The following PDZD2 variants were observed in gnomAD, a reference collection of about 807,000 sequenced individuals.
PDZD2 encodes the protein PDZ domain-containing protein 2.
Under a neutral mutation model 220.7 loss-of-function variants are expected in PDZD2, and 90 were observed. The observed-to-expected ratio is 0.41, with a 90% CI of 0.34 to 0.49. PDZD2 has a LOEUF of 0.49. Among genes scored for constraint, PDZD2 ranks in the 20% least tolerant of loss-of-function variants. PDZD2 has a pLI of 0.28. For synonymous variants in PDZD2, 1,375 were observed against 1,450.5 expected, an observed-to-expected ratio of 0.95 and a Z score of 1.18; for missense variants, 3,174 against 3,608.5, an observed-to-expected ratio of 0.88 and a Z score of 3.08.
chr5:31,881,233 A>G (rs2078736523), intron 2 of PDZD2, among the ~76,000 whole-genome samples: 2 of 151,466 alleles, frequency 1.3e-5, no homozygotes, highest in Admixed American at 6.6e-5. Flanking sequence ...AGTTGCCATT[A>G]TGATTGGATT....
chr5:31,894,461 G>A (rs553769586), intron 2 of PDZD2, among the ~76,000 whole-genome samples: 2 of 151,996 alleles, frequency 1.3e-5, no homozygotes, highest in African/African-American at 4.8e-5. Context: ...CGTTCTTGAT[G>A]TTTTTTTCCC....
At chr5:31,924,337 GT>G in intron 2 of PDZD2, among the ~76,000 whole-genome samples, 1 of 152,226 alleles carries the variant, frequency 6.6e-6, no homozygotes, top group African/African-American at 2.4e-5. Context: ...GAATGTAATT[GT>G]CTCCAGGTAC....
intron 2 of PDZD2, among the ~76,000 whole-genome samples, chr5:31,833,478 GAAAAAAAA>G (rs869118030): frequency 4.9e-4 from 1 of 2,060 alleles, no homozygotes; most frequent in Admixed American, 3.5e-3. Flanking sequence ...AAAAAAAAAA[GAAAAAAAA>G]AAAAAAAAAG....
chr5:31,861,595 A>G (rs1273002601), intron 2 of PDZD2, among the ~76,000 whole-genome samples: 2 of 152,246 alleles, frequency 1.3e-5, no homozygotes, highest in Admixed American at 6.5e-5. Context: ...CCCAGGGAGC[A>G]AACATCCTGG....
chr5:31,978,785 G>A (rs112120756), intron 2 of PDZD2, among the ~76,000 whole-genome samples: 30 of 151,806 alleles, frequency 2.0e-4, no homozygotes, highest in African/African-American at 6.5e-4. Context: ...TGCAGCATCC[G>A]TAATTCATTC....
intron 2 of PDZD2, among the ~76,000 whole-genome samples, chr5:31,817,698 G>A (rs1755556185): frequency 6.6e-6 from 1 of 151,872 alleles, no homozygotes; most frequent in African/African-American, 2.4e-5. Context: ...GAGTCTCACT[G>A]TCTCACCCAG....
rs542574524 is a variant in PDZD2 at position 32,096,740 on chromosome 5, C to G, written c.7846-539C>G. ...CCTCTTGCCACTGACGCTTATCTTT[C>G]TGCTGTTGCTAGGACTGGCTTTGCT... On this transcript the variant is annotated intron_variant, in intron 21 of 24. Transcript: ENST00000438447. 1.8e-4 allele frequency among the ~76,000 whole-genome samples: 28 copies of G among 151,810 alleles called. No homozygotes were observed. In the South Asian group the frequency reaches 5.0e-3, roughly 27 times the overall value.
intron 1 of PDZD2, among the ~76,000 whole-genome samples, chr5:31,797,195 G>A (rs1055755075): frequency 2.1e-4 from 30 of 144,074 alleles, no homozygotes; most frequent in African/African-American, 4.9e-4. Flanking sequence ...CGCCCGCCTC[G>A]GCCTCCCAAA....
chr5:31,639,136 T>C lies in PDZD2; in HGVS notation c.-662T>C, dbSNP rs1221481798. ...GGGAATCCCCGCCCATCCTGGAGGC[T>C]CGGCGGATCCCCTGCGCAGCGAGGC... On this transcript the variant is annotated 5_prime_UTR_variant, in exon 1 of 25. Transcript: ENST00000438447. The surrounding 1 kb of genome is among the most constrained non-coding windows in gnomAD (Gnocchi z 4.1). Among the ~76,000 whole-genome samples, 1 of 151,972 alleles carries C rather than the reference T, an allele frequency of 6.6e-6. No individual in the cohort carries two copies.
At chr5:31,642,430 C>CTGAT (rs1344060298) in intron 1 of PDZD2, among the ~76,000 whole-genome samples, 1 of 152,148 alleles carries the variant, frequency 6.6e-6, no homozygotes, top group African/African-American at 2.4e-5. Flanking sequence ...GAAAAGGCCA[C>CTGAT]TGATAGAACA....
chr5:31,689,316 TAC>T lies in PDZD2; in HGVS notation c.-361+49883_-361+49884del, dbSNP rs1331064005. 3.5e-4 allele frequency among the ~76,000 whole-genome samples: 41 copies of T among 118,030 alleles called. 1 individual carries two copies. Among genetic ancestry groups the T allele is most frequent in the African/African-American group, 1.4e-3 (40 of 27,958 alleles). The allele number at this position is 118,030 out of a possible 152,430, so 77.4% of individuals were successfully genotyped here. A position where few individuals can be genotyped will look rare whatever the true frequency, so the allele number is the denominator to read the frequency against. On this transcript the variant is annotated intron_variant, in intron 1 of 24. Transcript: ENST00000438447. ...ATATACATATACACATACATACATATACACATATATATACATATACATATATA... is the reference window on the plus strand; with the variant it reads ...ATATACATATACACATACATACATATACATATATATACATATACATATATA...
intron 1 of PDZD2, among the ~76,000 whole-genome samples, chr5:31,690,844 G>T (rs544658120): frequency 6.6e-6 from 1 of 152,180 alleles, no homozygotes; most frequent in South Asian, 2.1e-4. Context: ...ATATTTTTTT[G>T]GGGGGCCACT....
intron 6 of PDZD2, among the ~76,000 whole-genome samples, chr5:32,020,379 A>G (rs1035341865): frequency 3.3e-5 from 5 of 152,246 alleles, no homozygotes; most frequent in African/African-American, 7.2e-5. Flanking sequence ...TTCTTCTGCC[A>G]TAGACAAAAT....
chr5:32,064,676 T>C (rs940831415), intron 14 of PDZD2, among the ~76,000 whole-genome samples: 2 of 152,182 alleles, frequency 1.3e-5, no homozygotes, highest in Non-Finnish European at 2.9e-5. Context: ...CAACTCAAAA[T>C]GTTCACTAAG....
intron 6 of PDZD2, among the ~76,000 whole-genome samples, chr5:32,030,368 G>T (rs900493666): frequency 6.6e-6 from 1 of 152,126 alleles, no homozygotes; most frequent in Non-Finnish European, 1.5e-5. Context: ...CTCTTCCTTG[G>T]GATTAGTTTT....
At chr5:31,780,762 G>A (rs1753018517) in intron 1 of PDZD2, among the ~76,000 whole-genome samples, 1 of 152,168 alleles carries the variant, frequency 6.6e-6, no homozygotes, top group Non-Finnish European at 1.5e-5. Context: ...GTTCCGCGGT[G>A]TCCTCAGGGT....
intron 2 of PDZD2, among the ~76,000 whole-genome samples, chr5:31,825,939 CT>C (rs11338976): frequency 0.8 from 120,658 of 150,182 alleles, 49,511 homozygotes; most frequent in African/African-American, 0.9. Flanking sequence ...AAAAGGAAAG[CT>C]TTTTTTTTTT....
intron 1 of PDZD2, among the ~76,000 whole-genome samples, chr5:31,707,160 G>T (rs1264187981): frequency 1.6e-5 from 2 of 123,352 alleles, no homozygotes; most frequent in Admixed American, 1.7e-4. Flanking sequence ...TCATGGGGTG[G>T]GGGGAGGGGG....
chr5:32,053,412 A>G lies in PDZD2; in HGVS notation c.1786-357A>G, dbSNP rs186789076. Reference sequence around the variant, plus strand: ...AAAAGAAAACAAATGTGGCACCTGCATGTAAGTGGGAAATGACTCTTAAGA... The same window carrying G: ...AAAAGAAAACAAATGTGGCACCTGCGTGTAAGTGGGAAATGACTCTTAAGA... On this transcript the variant is annotated intron_variant, in intron 9 of 24. Coordinates refer to ENST00000438447, the MANE Select transcript of PDZD2 (RefSeq NM_178140.4). Among the ~76,000 whole-genome samples the G allele has an allele frequency of 1.9e-3, 295 of 152,392 alleles. 1 individual carries two copies. Among genetic ancestry groups the G allele is most frequent in the African/African-American group, 6.8e-3 (284 of 41,594 alleles).
Sources: gnomAD v4.1 joint callset for allele counts (sites outside exome capture counted in the v4.1 genomes callset) on GRCh38, gnomAD v4.1.1 for gene constraint, Gnocchi (gnomAD v3.1) non-coding constraint, MANE v1.5 for transcripts, NCBI Gene and HGNC (gene_info 2026-07-23, HGNC 2026-07-21) for gene names.